ESR1: variants seen among roughly 807,000 people sequenced by gnomAD.
The protein encoded by ESR1 is estrogen receptor 1.
Under a neutral mutation model 52.7 loss-of-function variants are expected in ESR1, and 12 were observed. The ratio of observed to expected loss-of-function variants is 0.23; its 90% CI spans 0.15 to 0.37. The LOEUF is 0.37. ESR1 is among the 10% of genes least tolerant of loss of function. The pLI is 1.00. For missense variants in ESR1, 584 were observed against 779.7 expected (o/e 0.75, Z 2.99); for synonymous variants, 305 against 316.8 (o/e 0.96, Z 0.39).
intron 1 of ESR1, among the ~76,000 whole-genome samples, chr6:151,668,267 A>G (rs1403702987): frequency 6.8e-6 from 1 of 147,646 alleles, no homozygotes; most frequent in East Asian, 2.0e-4. Flanking sequence ...AGGGCAAAAG[A>G]GGAAAAACCC....
At chr6:152,004,373 A>G (rs950923707) in intron 4 of ESR1, among the ~76,000 whole-genome samples, 6 of 151,932 alleles carry the variant, frequency 3.9e-5, no homozygotes, top group African/African-American at 1.2e-4. Context: ...CAGACTTGAA[A>G]CCAGTTTTGT....
At chr6:151,870,677 C>T (rs779635192) in intron 2 of ESR1, among the ~76,000 whole-genome samples, 31 of 152,142 alleles carry the variant, frequency 2.0e-4, no homozygotes, top group Non-Finnish European at 2.8e-4. Context: ...TTAGATGAGG[C>T]AAAATGCTGA....
intron 5 of ESR1, among the ~76,000 whole-genome samples, chr6:152,021,843 G>C (rs1350382327): frequency 6.6e-6 from 1 of 152,132 alleles, no homozygotes; most frequent in Admixed American, 6.5e-5. Flanking sequence ...GGTTTTATAA[G>C]GGGTTTTCCC....
intron 2 of ESR1, among the ~76,000 whole-genome samples, chr6:151,725,180 A>G (rs569006806): frequency 6.6e-6 from 1 of 152,306 alleles, no homozygotes; most frequent in Admixed American, 6.5e-5. Context: ...AGTATTCTCT[A>G]TGACAACTCA....
At chr6:151,861,948 G>T (rs1196833968) in intron 2 of ESR1, among the ~76,000 whole-genome samples, 1 of 152,116 alleles carries the variant, frequency 6.6e-6, no homozygotes. Flanking sequence ...GGTAAAAATG[G>T]ATTGTTTACT....
intron 1 of ESR1, among the ~76,000 whole-genome samples, chr6:151,693,045 A>G (rs1353191530): frequency 6.6e-6 from 1 of 152,206 alleles, no homozygotes; most frequent in East Asian, 1.9e-4. Context: ...TGCAATTTAG[A>G]GGCAGATTAT....
chr6:152,050,689 G>A (rs966256830), intron 5 of ESR1, among the ~76,000 whole-genome samples: 9 of 152,206 alleles, frequency 5.9e-5, no homozygotes, highest in African/African-American at 2.2e-4. Context: ...GGGCATGAGA[G>A]AGACATGCTG....
intron 6 of ESR1, among the ~76,000 whole-genome samples, chr6:152,062,776 C>T (rs2047648322): frequency 6.6e-6 from 1 of 152,042 alleles, no homozygotes. Context: ...GACTCCCCAC[C>T]CCGAACTTTT....
intron 2 of ESR1, among the ~76,000 whole-genome samples, chr6:151,851,045 A>C (rs1786601502): frequency 6.6e-6 from 1 of 152,180 alleles, no homozygotes; most frequent in Non-Finnish European, 1.5e-5. Context: ...AATGACCTCC[A>C]TAGCCCATGG....
In ESR1 at chr6:151,977,582, G is replaced by A. The variant is rs148614831; in HGVS notation, c.1096+33074G>A. ...GGCCGAAGGAGGTGGATCGCTTGAG[G>A]TCAGGAGTTCGAGACCAGCCTGGCC... On this transcript the variant is annotated intron_variant, in intron 4 of 7. Transcript: ENST00000206249. 9.9e-3 allele frequency among the ~76,000 whole-genome samples: 1,511 copies of A among 152,146 alleles called. 10 individuals carry two copies. The highest frequency in any genetic ancestry group is 0.02 in the Middle Eastern group (6 of 294).
chr6:151,849,493 A>C (rs1230885363), intron 2 of ESR1, among the ~76,000 whole-genome samples: 1 of 152,048 alleles, frequency 6.6e-6, no homozygotes, highest in Non-Finnish European at 1.5e-5. Context: ...AAAATACAAA[A>C]ATTAGCCAGT....
chr6:151,702,056 G>A (rs851984), intron 2 of ESR1: 51,002 of 152,094 alleles, frequency 0.34, 9,140 homozygotes, highest in Non-Finnish European at 0.4. Flanking sequence ...CTTTGTCCGT[G>A]AATTGATAAG....
chr6:152,044,322 CA>C (rs1368299722), intron 5 of ESR1, among the ~76,000 whole-genome samples: 4 of 152,162 alleles, frequency 2.6e-5, no homozygotes, highest in Non-Finnish European at 5.9e-5. Context: ...CCAGAAACCC[CA>C]AAACCATCTA....
intron 5 of ESR1, among the ~76,000 whole-genome samples, chr6:152,040,229 C>T (rs1234824110): frequency 6.6e-6 from 1 of 152,170 alleles, no homozygotes; most frequent in African/African-American, 2.4e-5. Flanking sequence ...ACGTGGAAGT[C>T]CATGTTGCTG....
In ESR1 at chr6:152,065,235, A is replaced by G. The variant is rs141372638; in HGVS notation, c.1369+4111A>G. Among the ~76,000 whole-genome samples, 765 of 152,348 alleles carry G rather than the reference A, an allele frequency of 5.0e-3. 4 individuals carry two copies. Among genetic ancestry groups the G allele is most frequent in the Middle Eastern group, 0.017 (5 of 294 alleles). ...ACGTAATTAGATTTAGAGAAAACTT[A>G]GAGCAACATTTATCTTGTGGATAAT... On this transcript the variant is annotated intron_variant, in intron 6 of 7. Transcript: ENST00000206249.
chr6:152,068,859 C>CTCCCTGAAACCTAGGGA (rs770750009), intron 6 of ESR1, among the ~76,000 whole-genome samples: 2 of 140,060 alleles, frequency 1.4e-5, no homozygotes, highest in African/African-American at 6.2e-5. Context: ...CCAGGCACTG[C>CTCCCTGAAACCTAGGGA]CTGCATAAAA....
chr6:151,757,041 A>T (rs1784344785), intron 2 of ESR1, among the ~76,000 whole-genome samples: 1 of 152,126 alleles, frequency 6.6e-6, no homozygotes, highest in Non-Finnish European at 1.5e-5. Flanking sequence ...ATCTCACAGG[A>T]TATCATTTCT....
chr6:151,834,699 TA>T (rs957892687), intron 1 of ESR1, among the ~76,000 whole-genome samples: 25 of 147,714 alleles, frequency 1.7e-4, no homozygotes, highest in South Asian at 6.5e-4. Context: ...AAAGTATAAT[TA>T]AAAAAAAAAG....
At chr6:151,864,315 C>A (rs1337478391) in intron 2 of ESR1, among the ~76,000 whole-genome samples, 1 of 152,152 alleles carries the variant, frequency 6.6e-6, no homozygotes, top group Non-Finnish European at 1.5e-5. Context: ...GACATTTATG[C>A]AGCCAACAGA....
Sources: allele counts gnomAD v4.1 joint callset (sites outside exome capture counted in the v4.1 genomes callset), GRCh38; gene constraint gnomAD v4.1.1; transcripts MANE v1.5; gene names NCBI Gene and HGNC (gene_info 2026-07-23, HGNC 2026-07-21).